TESMIN: variants seen among roughly 807,000 people sequenced by gnomAD.
The protein encoded by TESMIN is CXC domain containing 2.
Under a neutral mutation model 47.4 loss-of-function variants are expected in TESMIN, and 34 were observed. That is an observed-to-expected ratio of 0.72 (90% confidence interval 0.55 to 0.96). The LOEUF (loss-of-function observed/expected upper bound fraction) is 0.96. TESMIN is among the 40% of genes least tolerant of loss of function. The pLI is 0.00. For missense variants in TESMIN, 610 were observed against 637.2 expected, an observed-to-expected ratio of 0.96 and a Z score of 0.46; for synonymous variants, 278 against 258.9, an observed-to-expected ratio of 1.07 and a Z score of -0.71.
chr11:68,707,286 C>T (rs907202026), downstream of TESMIN, among the ~76,000 whole-genome samples: 2 of 152,238 alleles, frequency 1.3e-5, no homozygotes, highest in African/African-American at 4.8e-5. Flanking sequence ...ACACTTCTGT[C>T]TCTGCTGCAT....
chr11:68,707,761 G>C lies in TESMIN; in HGVS notation c.*547C>G. On this transcript the variant is annotated 3_prime_UTR_variant, in exon 10 of 10. Coordinates refer to ENST00000255087, the MANE Select transcript of TESMIN (RefSeq NM_004923.3). ...AAGACTGACAGTTCGCGTGCCTCTG[G>C]GGAAATATCTACGCTACAGAAAATC... is the stretch of plus-strand genomic sequence containing the variant. 2.2e-6 allele frequency: 1 copy of C among 451,142 alleles called. No individual in the cohort carries two copies. The highest frequency in any genetic ancestry group is 2.4e-5 in the Admixed American group (1 of 42,420). 27.9% of individuals were successfully genotyped at this position (451,142 alleles called of 1,614,324 possible).
intron 6 of TESMIN, among the ~76,000 whole-genome samples, chr11:68,725,824 T>C (rs1254060608): frequency 1.3e-5 from 2 of 152,162 alleles, no homozygotes; most frequent in Admixed American, 6.5e-5. Flanking sequence ...TCCTGACATA[T>C]TGCTTGCTAT....
chr11:68,737,469 C>T (rs1345094643), intron 6 of TESMIN: 1 of 985,594 alleles, frequency 1.0e-6, no homozygotes, highest in Non-Finnish European at 1.2e-6. Context: ...AAACCACTCT[C>T]CTCACACTTA....
intron 8 of TESMIN, among the ~76,000 whole-genome samples, chr11:68,712,912 G>A (rs1211896531): frequency 6.6e-6 from 1 of 152,152 alleles, no homozygotes; most frequent in East Asian, 1.9e-4. Context: ...GCTTTGCTCA[G>A]GGAGGAAGAG....
chr11:68,712,701 C>A (rs1476837666), intron 8 of TESMIN, among the ~76,000 whole-genome samples: 3 of 152,232 alleles, frequency 2.0e-5, no homozygotes, highest in Non-Finnish European at 2.9e-5. Context: ...CCGTGATCTG[C>A]AGCTTGCTTT....
chr11:68,748,109 A>G (rs1946544936), intron 2 of TESMIN, among the ~76,000 whole-genome samples: 1 of 152,242 alleles, frequency 6.6e-6, no homozygotes, highest in Admixed American at 6.5e-5. Context: ...CCCAAAGGCC[A>G]GGAGGCAGGC....
Position 68,750,338 on chromosome 11 carries a change from T to C in TESMIN, c.323A>G (p.Asp108Gly). The C allele has an allele frequency of 6.6e-7, 1 of 1,504,536 alleles. No individual in the cohort carries two copies. The allele number at this position is 1,504,536 out of a possible 1,614,324, so 93.2% of individuals were successfully genotyped here. ...PGIPELSALE[D>G]VALLQAPQPP... ...CTGCGGGGCCTGCAGGAGCGCGACG[T>C]CCTCCAGCGCGCTGAGCTCTGGGAT... Residue 108 changes from aspartate to glycine, a missense_variant, in exon 2 of 10, where the codon GAC (aspartate) becomes GGC (glycine). Asp to Gly is a moderately conservative substitution (Grantham distance 94). Transcript: ENST00000255087.
Position 68,729,325 on chromosome 11 carries a change from A to G in TESMIN, c.917+9375T>C, listed in dbSNP as rs188060349. On this transcript the variant is annotated intron_variant, in intron 6 of 9. Coordinates refer to ENST00000255087, the MANE Select transcript of TESMIN (RefSeq NM_004923.3). The stretch of plus-strand genomic sequence containing the variant: ...CGGATCATGAGGTCAGGAGATTGAG[A>G]CCATCCTGGCCAACATGGTGAAACC... Among the ~76,000 whole-genome samples, 399 of 152,004 alleles carry G rather than the reference A, an allele frequency of 2.6e-3. 9 individuals are homozygous for G. The East Asian group carries it at 0.074, about 28-fold the overall frequency.
At chr11:68,743,302 G>A (rs187324033) in intron 4 of TESMIN, among the ~76,000 whole-genome samples, 30 of 148,734 alleles carry the variant, frequency 2.0e-4, no homozygotes, top group African/African-American at 2.7e-4. Flanking sequence ...GCAGTAGTGC[G>A]ATGTTGGCTC....
downstream of TESMIN, among the ~76,000 whole-genome samples, chr11:68,705,005 G>C (rs990444085): frequency 1.3e-5 from 2 of 152,160 alleles, no homozygotes; most frequent in Admixed American, 1.3e-4. Context: ...GCCGGGGGCC[G>C]GGGGTTGGGA....
chr11:68,705,101 T>TGGGGAGAGAGTGCAGC (rs1945985961), downstream of TESMIN, among the ~76,000 whole-genome samples: 2 of 152,130 alleles, frequency 1.3e-5, no homozygotes, highest in African/African-American at 4.8e-5. Flanking sequence ...TAAGGACTCC[T>TGGGGAGAGAGTGCAGC]GGGGAGAGAG....
chr11:68,728,938 G>GC (rs1281878502), intron 6 of TESMIN, among the ~76,000 whole-genome samples: 1 of 152,062 alleles, frequency 6.6e-6, no homozygotes, highest in Admixed American at 6.5e-5. Flanking sequence ...CAGGTACCTG[G>GC]CCCCCCAAGA....
At chr11:68,724,499 G>T (rs1277854016) in intron 6 of TESMIN, among the ~76,000 whole-genome samples, 1 of 152,236 alleles carries the variant, frequency 6.6e-6, no homozygotes, top group Non-Finnish European at 1.5e-5. Flanking sequence ...CTCACCTCAA[G>T]AGTGCATTTC....
At chr11:68,737,687 G>A (rs756200983) in intron 6 of TESMIN, 13 of 978,998 alleles carry the variant, frequency 1.3e-5, no homozygotes, top group East Asian at 1.1e-4. Context: ...TGAGATGGGC[G>A]GATCATCTGA....
chr11:68,748,068 G>A (rs1015427921), intron 2 of TESMIN, among the ~76,000 whole-genome samples: 8 of 152,116 alleles, frequency 5.3e-5, no homozygotes, highest in South Asian at 4.1e-4. Flanking sequence ...ACACTTGCCC[G>A]AGCTGCCTGG....
At position 68,708,203 on chromosome 11, in the gene TESMIN, G is replaced by T. The variant is rs188324941; in HGVS notation, c.*105C>A. On this transcript the variant is annotated 3_prime_UTR_variant, in exon 10 of 10. Coordinates refer to ENST00000255087, the MANE Select transcript of TESMIN (RefSeq NM_004923.3). ...TCCCTGGGCCCAGGGATGCAGGGGA[G>T]CCTGGTTGTTGCTGCAGAGCCAGCC... 68 of 1,142,448 alleles carry T rather than the reference G, an allele frequency of 6.0e-5. No homozygotes were observed. In the African/African-American group the frequency reaches 8.3e-4, roughly 14 times the overall value. The allele number at this position is 1,142,448 out of a possible 1,614,324, so 70.8% of individuals were successfully genotyped here.
At chr11:68,738,817 T>C (rs758623227) in intron 5 of TESMIN, 29 bp from the exon 6 acceptor site, 5 of 1,578,918 alleles carry the variant, frequency 3.2e-6, no homozygotes, top group Non-Finnish European at 3.5e-6. Context: ...AAGGATATTT[T>C]GAATTAGCAA....
At chr11:68,709,580 C>G (rs566287631) in intron 9 of TESMIN, among the ~76,000 whole-genome samples, 1 of 152,040 alleles carries the variant, frequency 6.6e-6, no homozygotes, top group Non-Finnish European at 1.5e-5. Flanking sequence ...GGCGCTAAGT[C>G]GAAAAATTTT....
chr11:68,735,288 C>T lies in TESMIN; in HGVS notation c.917+3412G>A, dbSNP rs183687683. 6.5e-3 allele frequency among the ~76,000 whole-genome samples: 989 copies of T among 152,276 alleles called. 12 individuals are homozygous for T. Among genetic ancestry groups the T allele is most frequent in the Non-Finnish European group, 7.6e-3 (518 of 68,020 alleles). ...TGCTCTTGCCCTCGGCCCTCTCAGA[C>T]CTGCCCTGAGCTGGGGCACAGGGTG... On this transcript the variant is annotated intron_variant, in intron 6 of 9. Coordinates refer to ENST00000255087, the MANE Select transcript of TESMIN (RefSeq NM_004923.3).
Sources: allele counts gnomAD v4.1 joint callset (sites outside exome capture counted in the v4.1 genomes callset), GRCh38; gene constraint gnomAD v4.1.1; transcripts MANE v1.5; gene names NCBI Gene and HGNC (gene_info 2026-07-23, HGNC 2026-07-21).